ROBO1: variants seen among roughly 807,000 people sequenced by gnomAD.
ROBO1 encodes the protein roundabout homolog 1.
A neutral mutation model predicts 195.9 loss-of-function variants in ROBO1; 149 were observed. The observed-to-expected ratio is 0.76, with a 90% CI of 0.67 to 0.87. ROBO1 has a LOEUF of 0.87. Ranked by LOEUF, ROBO1 falls within the 40% of genes least tolerant of loss-of-function variation. ROBO1 has a pLI of 0.00. For synonymous variants in ROBO1, 816 were observed against 733.2 expected (o/e 1.11, Z -1.82); for missense variants, 1,933 against 2,068.3 (o/e 0.93, Z 1.27).
At chr3:79,118,864 A>G (rs2080062117) in intron 3 of ROBO1, among the ~76,000 whole-genome samples, 1 of 125,070 alleles carries the variant, frequency 8.0e-6, no homozygotes, top group South Asian at 2.3e-4. Context: ...ACTCCAACTC[A>G]AAAAAAAAAA....
At position 79,522,570 on chromosome 3, in the gene ROBO1, G is replaced by A. The variant is rs1941253330; in HGVS notation, c.88+67254C>T. Reference sequence around the variant, plus strand: ...TGCATTTCCATCCACCCAAGGAGAGGAACCTCATTTCATTACTTTTGTATC... The same window carrying A: ...TGCATTTCCATCCACCCAAGGAGAGAAACCTCATTTCATTACTTTTGTATC... On this transcript the variant is annotated intron_variant, in intron 2 of 30. Coordinates refer to ENST00000464233, the MANE Select transcript of ROBO1 (RefSeq NM_002941.4). Among the ~76,000 whole-genome samples the A allele has an allele frequency of 2.0e-5, 3 of 152,168 alleles. No individual in the cohort carries two copies. In the South Asian group the frequency reaches 6.2e-4, roughly 32 times the overall value.
At chr3:79,578,038 A>G (rs980376021) in intron 2 of ROBO1, among the ~76,000 whole-genome samples, 2 of 149,014 alleles carry the variant, frequency 1.3e-5, no homozygotes, top group Non-Finnish European at 1.5e-5. Flanking sequence ...ACAAATACAG[A>G]TGACACATAA....
chr3:78,654,223 C>T (rs1443997104), intron 18 of ROBO1, among the ~76,000 whole-genome samples: 1 of 152,156 alleles, frequency 6.6e-6, no homozygotes, highest in Non-Finnish European at 1.5e-5. Flanking sequence ...AGGAAAACAG[C>T]ACCCCTTTCA....
At chr3:79,004,510 A>G (rs2077576574) in intron 3 of ROBO1, among the ~76,000 whole-genome samples, 1 of 152,170 alleles carries the variant, frequency 6.6e-6, no homozygotes, top group African/African-American at 2.4e-5. Flanking sequence ...GGGCAAAGAC[A>G]GTATGTAGAG....
At chr3:78,866,596 T>C (rs565070088) in intron 4 of ROBO1, among the ~76,000 whole-genome samples, 2 of 152,302 alleles carry the variant, frequency 1.3e-5, no homozygotes, top group African/African-American at 4.8e-5. Flanking sequence ...TATTTTGTAA[T>C]AATGCATTGT....
intron 2 of ROBO1, among the ~76,000 whole-genome samples, chr3:79,421,019 C>A (rs950333845): frequency 6.6e-6 from 1 of 152,088 alleles, no homozygotes; most frequent in Admixed American, 6.6e-5. Context: ...TGTACATATA[C>A]ACCATGGAAT....
chr3:78,654,212 C>T (rs942943749), intron 18 of ROBO1, among the ~76,000 whole-genome samples: 1 of 152,162 alleles, frequency 6.6e-6, no homozygotes, highest in Admixed American at 6.5e-5. Flanking sequence ...AAACAGCCTT[C>T]AGGAAAACAG....
intron 2 of ROBO1, among the ~76,000 whole-genome samples, chr3:79,446,206 A>G (rs758883760): frequency 2.0e-4 from 31 of 152,156 alleles, no homozygotes; most frequent in Non-Finnish European, 4.0e-4. Context: ...AATTTATACA[A>G]ATCTTTAGTC....
chr3:78,879,055 C>G (rs1217176904), intron 4 of ROBO1, among the ~76,000 whole-genome samples: 1 of 152,186 alleles, frequency 6.6e-6, no homozygotes, highest in African/African-American at 2.4e-5. Flanking sequence ...CTGCAGTTGT[C>G]TGCTCTTTCC....
chr3:78,735,559 G>A lies in ROBO1; in HGVS notation c.657+11184C>T, dbSNP rs115241082. Among the ~76,000 whole-genome samples the A allele has an allele frequency of 6.9e-3, 1,047 of 152,134 alleles. 11 individuals are homozygous for A. Among genetic ancestry groups the A allele is most frequent in the African/African-American group, 0.024 (989 of 41,500 alleles). Reference sequence around the variant, plus strand: ...ATTTAAGATGAATTTCTATATGTTCGTAATAACATGCAGAATGTACAAAAT... The same window carrying A: ...ATTTAAGATGAATTTCTATATGTTCATAATAACATGCAGAATGTACAAAAT... On this transcript the variant is annotated intron_variant, in intron 5 of 30. Transcript: ENST00000464233.
At chr3:79,220,691 G>A (rs2082122345) in intron 2 of ROBO1, among the ~76,000 whole-genome samples, 1 of 151,810 alleles carries the variant, frequency 6.6e-6, no homozygotes, top group Admixed American at 6.6e-5. Flanking sequence ...TATCTTCAGA[G>A]GAAAAAGAGA....
At chr3:78,892,168 T>G (rs1408898943) in intron 4 of ROBO1, among the ~76,000 whole-genome samples, 1 of 152,170 alleles carries the variant, frequency 6.6e-6, no homozygotes, top group Non-Finnish European at 1.5e-5. Context: ...GAGACCACCC[T>G]GGGCAACATG....
intron 2 of ROBO1, among the ~76,000 whole-genome samples, chr3:79,555,238 A>G (rs374730923): frequency 5.8e-4 from 89 of 152,238 alleles, no homozygotes; most frequent in African/African-American, 2.1e-3. Context: ...TTATTTGGTC[A>G]AGTCTCAGAT....
chr3:78,674,991 A>G (rs1708309986), intron 10 of ROBO1, among the ~76,000 whole-genome samples: 1 of 150,466 alleles, frequency 6.6e-6, no homozygotes, highest in East Asian at 1.9e-4. Flanking sequence ...TACTTAAGAC[A>G]TTATAAAAAT....
rs140920435 is a variant in ROBO1, at chr3:78,957,843, T to A, written c.173-18916A>T. Among the ~76,000 whole-genome samples the A allele has an allele frequency of 4.7e-3, 709 of 152,340 alleles. 7 individuals are homozygous for A. The highest frequency in any genetic ancestry group is 0.016 in the African/African-American group (671 of 41,568). ...AACCATTTATTTAAACTTTACATTA[T>A]TTTTCACTTCACATTTGATTATTTT... On this transcript the variant is annotated intron_variant, in intron 3 of 30. Coordinates refer to ENST00000464233, the MANE Select transcript of ROBO1 (RefSeq NM_002941.4).
chr3:78,739,478 T>C (rs1425766284), intron 5 of ROBO1, among the ~76,000 whole-genome samples: 4 of 152,156 alleles, frequency 2.6e-5, no homozygotes, highest in African/African-American at 9.6e-5. Flanking sequence ...GCATATTCAG[T>C]TGAATAACTT....
intron 2 of ROBO1, among the ~76,000 whole-genome samples, chr3:79,150,575 A>T (rs1417477042): frequency 6.6e-6 from 1 of 151,798 alleles, no homozygotes; most frequent in African/African-American, 2.4e-5. Context: ...ATCTTTACTA[A>T]AAAAGGATAT....
chr3:79,484,227 T>C (rs1939025860), intron 2 of ROBO1, among the ~76,000 whole-genome samples: 1 of 152,154 alleles, frequency 6.6e-6, no homozygotes. Flanking sequence ...TTTAAAGTGA[T>C]CCTGAGGTGC....
chr3:79,436,613 G>C (rs987659647), intron 2 of ROBO1, among the ~76,000 whole-genome samples: 1 of 152,068 alleles, frequency 6.6e-6, no homozygotes, highest in Non-Finnish European at 1.5e-5. Flanking sequence ...ATATGGGCTT[G>C]CTGACTGACA....
Sources: allele counts gnomAD v4.1 joint callset (sites outside exome capture counted in the v4.1 genomes callset), GRCh38; gene constraint gnomAD v4.1.1; transcripts MANE v1.5; gene names NCBI Gene and HGNC (gene_info 2026-07-23, HGNC 2026-07-21).